Variants in SEMA3D observed in about 807,000 individuals in gnomAD.
SEMA3D encodes semaphorin 3D, also known as semaphorin-3D.
SEMA3D carries 84 observed loss-of-function variants against 100.1 expected under a neutral mutation model. That is an observed-to-expected ratio of 0.84 (90% confidence interval 0.70 to 1.01). The LOEUF (loss-of-function observed/expected upper bound fraction) is 1.01. SEMA3D is among the 50% of genes least tolerant of loss of function. The pLI, the probability that SEMA3D is intolerant of heterozygous loss-of-function variation, is 0.00. For missense variants in SEMA3D, 875 were observed against 934.1 expected, an observed-to-expected ratio of 0.94 and a Z score of 0.82; for synonymous variants, 312 against 320.7, an observed-to-expected ratio of 0.97 and a Z score of 0.29.
At chr7:85,096,359 G>T (rs1248157353) in intron 4 of SEMA3D, among the ~76,000 whole-genome samples, 1 of 151,826 alleles carries the variant, frequency 6.6e-6, no homozygotes, top group Non-Finnish European at 1.5e-5. Flanking sequence ...TCAAATTCTA[G>T]TACATAATCA....
the SEMA3D span, among the ~76,000 whole-genome samples, chr7:85,236,281 T>TTTTAA: frequency 1.5e-5 from 2 of 131,976 alleles, no homozygotes; most frequent in African/African-American, 6.9e-5. Context: ...TTTTATTTTA[T>TTTTAA]TTTATTTATT....
the SEMA3D span, among the ~76,000 whole-genome samples, chr7:85,208,108 A>G: frequency 6.6e-6 from 1 of 151,282 alleles, no homozygotes; most frequent in Non-Finnish European, 1.5e-5. Flanking sequence ...TTCAGCAGCC[A>G]TTAATTACAA....
chr7:85,145,692 G>T (rs1468765370), intron 2 of SEMA3D, among the ~76,000 whole-genome samples: 2 of 152,090 alleles, frequency 1.3e-5, no homozygotes, highest in Non-Finnish European at 2.9e-5. Context: ...CATTTGCAAA[G>T]AGAAGTGATT....
At chr7:85,028,009 T>A in intron 12 of SEMA3D, 1 of 575,888 alleles carries the variant, frequency 1.7e-6, no homozygotes, top group South Asian at 1.5e-5. Context: ...CAAGTTCCAA[T>A]GAACCGTGCC....
At chr7:85,040,787 T>C (rs780479055) in intron 10 of SEMA3D, 45 bp from the exon 11 acceptor site, 56 of 900,236 alleles carry the variant, frequency 6.2e-5, no homozygotes, top group Non-Finnish European at 3.6e-6. Context: ...TTTTCAGTAT[T>C]ACATTGCTTT....
chr7:85,062,405 T>C (rs889189844), intron 8 of SEMA3D, among the ~76,000 whole-genome samples: 14 of 151,970 alleles, frequency 9.2e-5, no homozygotes, highest in Admixed American at 2.0e-4. Flanking sequence ...ATGGTAACCA[T>C]AGAAAGAACA....
At chr7:85,117,005 AG>A (rs1789262675) in intron 3 of SEMA3D, among the ~76,000 whole-genome samples, 1 of 152,198 alleles carries the variant, frequency 6.6e-6, no homozygotes, top group Non-Finnish European at 1.5e-5. Flanking sequence ...ACTATCATTG[AG>A]AAATATAGTC....
the SEMA3D span, among the ~76,000 whole-genome samples, chr7:85,246,185 T>C: frequency 6.6e-6 from 1 of 152,252 alleles, no homozygotes; most frequent in South Asian, 2.1e-4. Context: ...GCCTTCTTTA[T>C]GTTTACAATT....
chr7:85,179,653 G>T (rs1364904694), intron 1 of SEMA3D, among the ~76,000 whole-genome samples: 1 of 137,212 alleles, frequency 7.3e-6, no homozygotes, highest in Non-Finnish European at 1.5e-5. Context: ...ATGAGACTAT[G>T]GACTTGAACT....
At chr7:85,231,776 G>T in the SEMA3D span, among the ~76,000 whole-genome samples, 2 of 152,112 alleles carry the variant, frequency 1.3e-5, no homozygotes, top group Non-Finnish European at 2.9e-5. Context: ...GTAAGAACAT[G>T]TGTTAAGATT....
At position 85,103,490 on chromosome 7, in the gene SEMA3D, C is replaced by T. The variant is rs1158772361; in HGVS notation, c.152-5525G>A. Among the ~76,000 whole-genome samples the T allele has an allele frequency of 4.6e-5, 7 of 152,056 alleles. No homozygotes were observed. The East Asian group carries it at 1.2e-3, about 25-fold the overall frequency. On this transcript the variant is annotated intron_variant, in intron 3 of 18. Transcript: ENST00000284136. ...AAAAGGGTGAGTGTGTTGCTTCACACGTGCCATTGAGAGGAGGCCAGCTCT... is the reference window on the plus strand; with the variant it reads ...AAAAGGGTGAGTGTGTTGCTTCACATGTGCCATTGAGAGGAGGCCAGCTCT...
chr7:85,228,993 C>G, the SEMA3D span, among the ~76,000 whole-genome samples: 4 of 151,988 alleles, frequency 2.6e-5, no homozygotes, highest in Admixed American at 6.6e-5. Context: ...GAAAGAACTT[C>G]TAGACATTGT....
chr7:85,130,650 C>T lies in SEMA3D; in HGVS notation c.-40-8719G>A, dbSNP rs775803274. 3.9e-5 allele frequency among the ~76,000 whole-genome samples: 6 copies of T among 152,200 alleles called. 1 individual carries two copies. In the South Asian group the frequency reaches 1.0e-3, roughly 26 times the overall value. On this transcript the variant is annotated intron_variant, in intron 2 of 18. Transcript: ENST00000284136. ...CTGACTCAGTAAATATTCCTATGTT[C>T]GGTTTAACTCTGCTATTGAGAAAGT...
upstream of SEMA3D, among the ~76,000 whole-genome samples, chr7:85,191,754 T>A (rs1346180045): frequency 1.3e-5 from 2 of 152,162 alleles, no homozygotes; most frequent in Non-Finnish European, 2.9e-5. Context: ...TTCAAGGTCA[T>A]AAGCAGCTGC....
intron 5 of SEMA3D, among the ~76,000 whole-genome samples, chr7:85,079,500 T>C (rs1156971566): frequency 1.3e-5 from 2 of 152,152 alleles, no homozygotes; most frequent in African/African-American, 4.8e-5. Flanking sequence ...AATAATATGT[T>C]CTATATACAG....
At chr7:85,233,789 CA>C in the SEMA3D span, among the ~76,000 whole-genome samples, 31 of 152,258 alleles carry the variant, frequency 2.0e-4, 2 homozygotes, top group East Asian at 6.0e-3. Context: ...TCCTACAAAA[CA>C]ATATGCCAAA....
chr7:85,117,877 A>G (rs994581219), intron 3 of SEMA3D, among the ~76,000 whole-genome samples: 1 of 150,932 alleles, frequency 6.6e-6, no homozygotes, highest in African/African-American at 2.4e-5. Context: ...ATATAAAAAT[A>G]TATCTTTTTG....
intron 6 of SEMA3D, among the ~76,000 whole-genome samples, chr7:85,070,088 A>G (rs1791731153): frequency 6.6e-6 from 1 of 152,224 alleles, no homozygotes; most frequent in East Asian, 1.9e-4. Context: ...GCAGAAGCAT[A>G]GAAAGTTTAT....
At chr7:85,217,494 C>T in the SEMA3D span, among the ~76,000 whole-genome samples, 2 of 151,934 alleles carry the variant, frequency 1.3e-5, no homozygotes, top group African/African-American at 2.4e-5. Flanking sequence ...ATTCTGGACA[C>T]TTAATTCAAG....
Sources: allele counts gnomAD v4.1 joint callset (sites outside exome capture counted in the v4.1 genomes callset), GRCh38; gene constraint gnomAD v4.1.1; transcripts MANE v1.5; gene names NCBI Gene and HGNC (gene_info 2026-07-23, HGNC 2026-07-21).